The following AHCYL2 variants were observed in gnomAD, a reference collection of about 807,000 sequenced individuals.
AHCYL2 encodes S-adenosylhomocysteine hydrolase-like protein 2.
AHCYL2 carries 28 observed loss-of-function variants against 81.4 expected under a neutral mutation model. The ratio of observed to expected loss-of-function variants is 0.34; its 90% CI spans 0.25 to 0.47. The LOEUF (loss-of-function observed/expected upper bound fraction) is 0.47. Among genes scored for constraint, AHCYL2 ranks in the 20% least tolerant of loss-of-function variants. AHCYL2 has a pLI of 1.00. For missense variants in AHCYL2, 551 were observed against 785.1 expected (o/e 0.70, Z 3.56); for synonymous variants, 272 against 290.2 (o/e 0.94, Z 0.64).
Position 129,380,003 on chromosome 7 carries a change from T to C in AHCYL2, c.475+254T>C, listed in dbSNP as rs140529860. The stretch of plus-strand genomic sequence containing the variant: ...ATTAAGGAAATTGAATTCTTTAATC[T>C]ACTCAGAAGGGTGGGAATATGTCAT... On this transcript the variant is annotated intron_variant, in intron 2 of 16. Coordinates refer to ENST00000325006, the MANE Select transcript of AHCYL2 (RefSeq NM_015328.4). Among the ~76,000 whole-genome samples the C allele has an allele frequency of 9.9e-5, 15 of 152,136 alleles. 1 individual carries two copies. Among genetic ancestry groups the C allele is most frequent in the Admixed American group, 6.5e-4 (10 of 15,282 alleles).
At chr7:129,280,586 T>C (rs372240120) in intron 1 of AHCYL2, among the ~76,000 whole-genome samples, 1 of 152,222 alleles carries the variant, frequency 6.6e-6, no homozygotes, top group South Asian at 2.1e-4. Context: ...ACTCGCTTTC[T>C]AGTCTAGATA....
chr7:129,287,828 T>C (rs1796689396), intron 1 of AHCYL2, among the ~76,000 whole-genome samples: 1 of 152,222 alleles, frequency 6.6e-6, no homozygotes, highest in Non-Finnish European at 1.5e-5. Context: ...TTTTTTATAA[T>C]GGAAAATGTC....
chr7:129,233,108 G>A (rs1215067018), intron 1 of AHCYL2, among the ~76,000 whole-genome samples: 1 of 152,138 alleles, frequency 6.6e-6, no homozygotes, highest in Non-Finnish European at 1.5e-5. Flanking sequence ...TGCATAATCA[G>A]CATTACCTAG....
chr7:129,416,018 G>A (rs1339025121), intron 12 of AHCYL2, among the ~76,000 whole-genome samples: 4 of 151,958 alleles, frequency 2.6e-5, no homozygotes, highest in Admixed American at 1.3e-4. Context: ...CAGCCTGGGC[G>A]ACAAGAGCGA....
At chr7:129,344,123 T>C (rs888905556) in intron 1 of AHCYL2, among the ~76,000 whole-genome samples, 5 of 152,144 alleles carry the variant, frequency 3.3e-5, no homozygotes, top group Non-Finnish European at 5.9e-5. Context: ...AGAGTGACAA[T>C]AGCTACTACT....
At chr7:129,260,357 A>C (rs1473463041) in intron 1 of AHCYL2, among the ~76,000 whole-genome samples, 1 of 152,200 alleles carries the variant, frequency 6.6e-6, no homozygotes, top group Non-Finnish European at 1.5e-5. Flanking sequence ...ATAGGGAATA[A>C]ATATAAAATG....
chr7:129,283,830 A>G (rs1290932583), intron 1 of AHCYL2, among the ~76,000 whole-genome samples: 1 of 152,076 alleles, frequency 6.6e-6, no homozygotes, highest in Non-Finnish European at 1.5e-5. Context: ...AAAATTTAAA[A>G]CCAGTCTACC....
intron 1 of AHCYL2, among the ~76,000 whole-genome samples, chr7:129,230,526 C>T (rs1794391892): frequency 6.6e-6 from 1 of 151,030 alleles, no homozygotes; most frequent in Non-Finnish European, 1.5e-5. Context: ...TGTTGCTTTT[C>T]AATTCAAATA....
chr7:129,359,380 C>T (rs1793853540), intron 1 of AHCYL2, among the ~76,000 whole-genome samples: 1 of 152,076 alleles, frequency 6.6e-6, no homozygotes, highest in South Asian at 2.1e-4. Flanking sequence ...TGAGAAGGCT[C>T]TAGGGTACTG....
At chr7:129,330,627 C>T (rs559232263) in intron 1 of AHCYL2, among the ~76,000 whole-genome samples, 277 of 152,218 alleles carry the variant, frequency 1.8e-3, no homozygotes, top group South Asian at 0.013. Context: ...CCCACCACCA[C>T]GCCCGGCTAA....
rs1488701330 is a variant in AHCYL2, at chr7:129,260,130, T to C, written c.363+34691T>C. On this transcript the variant is annotated intron_variant, in intron 1 of 16. Coordinates refer to ENST00000325006, the MANE Select transcript of AHCYL2 (RefSeq NM_015328.4). ...ACAAATTCTGATTTTTAAGGTAATGTGCCTTAGTTATGCCTGCTTAGCTTG... is the reference window on the plus strand; with the variant it reads ...ACAAATTCTGATTTTTAAGGTAATGCGCCTTAGTTATGCCTGCTTAGCTTG... 3.3e-5 allele frequency among the ~76,000 whole-genome samples: 5 copies of C among 151,786 alleles called. No individual in the cohort carries two copies. In the East Asian group the frequency reaches 9.6e-4, roughly 29 times the overall value.
chr7:129,261,755 T>C (rs1795651849), intron 1 of AHCYL2, among the ~76,000 whole-genome samples: 1 of 152,246 alleles, frequency 6.6e-6, no homozygotes, highest in Non-Finnish European at 1.5e-5. Flanking sequence ...GTCTTCTAGC[T>C]TCTCTTCCAT....
At chr7:129,230,718 G>A (rs1794401092) in intron 1 of AHCYL2, among the ~76,000 whole-genome samples, 1 of 151,642 alleles carries the variant, frequency 6.6e-6, no homozygotes, top group Non-Finnish European at 1.5e-5. Flanking sequence ...GACTACAGGT[G>A]CACGCCACCA....
rs999859268 is a variant in AHCYL2 at position 129,286,510 on chromosome 7, G to A, written c.363+61071G>A. ...GGTTTCACTCTCATCACCCAGGCTGGAGTGCAGTGGCATGCGCTTAGCTCA... is the reference window on the plus strand; with the variant it reads ...GGTTTCACTCTCATCACCCAGGCTGAAGTGCAGTGGCATGCGCTTAGCTCA... On this transcript the variant is annotated intron_variant, in intron 1 of 16. Transcript: ENST00000325006. Among the ~76,000 whole-genome samples the A allele has an allele frequency of 3.3e-5, 5 of 152,248 alleles. No individual in the cohort carries two copies. In the East Asian group the frequency reaches 9.7e-4, roughly 29 times the overall value.
intron 1 of AHCYL2, among the ~76,000 whole-genome samples, chr7:129,321,743 G>GTTTTTTTTTTTTTTTTTTTTTTTTTCTTT: frequency 2.6e-5 from 2 of 77,626 alleles, no homozygotes; most frequent in Non-Finnish European, 5.0e-5. Flanking sequence ...TTCTTTCTTT[G>GTTTTTTTTTTTTTTTTTTTTTTTTTCTTT]TTTTTTTTTT....
In AHCYL2 at chr7:129,400,384, G is replaced by T; in HGVS notation, c.918G>T (p.Met306Ile). Residue 306 changes from methionine (M) to isoleucine (I), a missense_variant and splice_region_variant, in exon 6 of 17, where the codon ATG becomes ATT. By Grantham distance (10) the Met-to-Ile change is conservative (BLOSUM62 1). This residue lies in a region of AHCYL2 where 316 missense variants were observed against 543.1 expected (regional missense o/e 0.58). Transcript: ENST00000325006. ...ATGTGGAGGGCTGGCAGCCAAACAT[G>T]GTGGGTCAGATTTCTGCTAACACAA... is the stretch of plus-strand genomic sequence containing the variant. The part of the protein sequence containing the change: ...CVNVEGWQPN[M>I]ILDDGGDLTH... 1 of 1,612,736 alleles carries T rather than the reference G, an allele frequency of 6.2e-7. No homozygotes were observed. The highest frequency in any genetic ancestry group is 8.5e-7 in the Non-Finnish European group (1 of 1,179,128).
At position 129,338,226 on chromosome 7, in the gene AHCYL2, A is replaced by G. The variant is rs80137883; in HGVS notation, c.364-41412A>G. On this transcript the variant is annotated intron_variant, in intron 1 of 16. Coordinates refer to ENST00000325006, the MANE Select transcript of AHCYL2 (RefSeq NM_015328.4). The stretch of plus-strand genomic sequence containing the variant: ...CACTCAGGCTGGAGTTCAGCTTACT[A>G]TAACCTAGAACTCCTTGGCTCAAGC... Among the ~76,000 whole-genome samples, 350 of 151,782 alleles carry G rather than the reference A, an allele frequency of 2.3e-3. 13 individuals are homozygous for G. In the East Asian group the frequency reaches 0.063, roughly 27 times the overall value.
chr7:129,406,389 G>A lies in AHCYL2; in HGVS notation c.1218G>A (p.Gly406=). The A allele has an allele frequency of 1.2e-6, 2 of 1,614,024 alleles. No homozygotes were observed. The highest frequency in any genetic ancestry group is 1.7e-6 in the Non-Finnish European group (2 of 1,179,976). The change falls in exon 10 of 17, where the codon GGG becomes GGA. Residue 406 remains glycine (G), a synonymous_variant. Coordinates refer to ENST00000325006, the MANE Select transcript of AHCYL2 (RefSeq NM_015328.4). This position sits in a 1 kb window ranked among gnomAD's most constrained non-coding sequence, Gnocchi z 4.3. ...VVCGYGEVGK[G]CCAALKAMGS... The stretch of plus-strand genomic sequence containing the variant: ...TCTCCCCTCTTCAGGTGGGGAAAGG[G>A]TGCTGTGCTGCCCTGAAAGCCATGG...
rs752329712 is a variant in AHCYL2, at chr7:129,368,539, G to A, written c.364-11099G>A. The stretch of plus-strand genomic sequence containing the variant: ...ATGAGGGCACCTCAGCTTTTCACAT[G>A]CCTGAGTGGATGGTGAGTTCACTGG... On this transcript the variant is annotated intron_variant, in intron 1 of 16. Transcript: ENST00000325006. The surrounding 1 kb of genome is among the most constrained non-coding windows in gnomAD (Gnocchi z 4.4). 6.2e-7 allele frequency: 1 copy of A among 1,614,026 alleles called. No homozygotes were observed. The highest frequency in any genetic ancestry group is 8.5e-7 in the Non-Finnish European group (1 of 1,179,892).
Sources: gnomAD v4.1 joint callset for allele counts (sites outside exome capture counted in the v4.1 genomes callset) on GRCh38, gnomAD v4.1.1 for gene constraint, gnomAD v4.1.1 regional missense constraint, Gnocchi (gnomAD v3.1) non-coding constraint, MANE v1.5 for transcripts, NCBI Gene and HGNC (gene_info 2026-07-23, HGNC 2026-07-21) for gene names.